The following FGF14 variants were observed in gnomAD, a reference collection of about 807,000 sequenced individuals.
FGF14 encodes the protein fibroblast growth factor 14.
A neutral mutation model predicts 25.5 loss-of-function variants in FGF14; 5 were observed. That is an observed-to-expected ratio of 0.20 (90% CI 0.10 to 0.41). The LOEUF is 0.41. Ranked by LOEUF, FGF14 falls within the 10% of genes least tolerant of loss-of-function variation. The pLI is 1.00. For missense variants in FGF14, 222 were observed against 320.1 expected (o/e 0.69, Z 2.34); for synonymous variants, 138 against 118.3 (o/e 1.17, Z -1.08).
chr13:102,204,849 G>T (rs1389869855), intron 1 of FGF14, among the ~76,000 whole-genome samples: 1 of 152,070 alleles, frequency 6.6e-6, no homozygotes, highest in Non-Finnish European at 1.5e-5. Flanking sequence ...AAAACTTAAG[G>T]CAGGAAAAGG....
intron 1 of FGF14, among the ~76,000 whole-genome samples, chr13:102,106,252 T>C (rs1028408240): frequency 1.3e-5 from 2 of 152,204 alleles, no homozygotes; most frequent in South Asian, 2.1e-4. Context: ...ATATAAAAGA[T>C]GTAACAGTAA....
intron 1 of FGF14, among the ~76,000 whole-genome samples, chr13:102,065,215 A>G (rs575474562): frequency 6.6e-6 from 1 of 152,200 alleles, no homozygotes; most frequent in South Asian, 2.1e-4. Flanking sequence ...ACCATAATGG[A>G]TATAGTGCTT....
intron 1 of FGF14, among the ~76,000 whole-genome samples, chr13:102,190,384 T>C (rs2049073076): frequency 6.6e-6 from 1 of 152,202 alleles, no homozygotes. Flanking sequence ...GGACATCTGG[T>C]AATGTCTGGA....
chr13:101,953,474 C>T (rs888371444), intron 1 of FGF14, among the ~76,000 whole-genome samples: 1 of 151,870 alleles, frequency 6.6e-6, no homozygotes, highest in Admixed American at 6.6e-5. Context: ...ATATTCACTC[C>T]TGGACCACTC....
intron 3 of FGF14, among the ~76,000 whole-genome samples, chr13:101,809,975 A>C (rs2041409199): frequency 6.6e-6 from 1 of 152,180 alleles, no homozygotes; most frequent in South Asian, 2.1e-4. Flanking sequence ...TAACTACTTA[A>C]GATCTTGAAA....
chr13:101,863,012 A>G (rs1043963818), intron 3 of FGF14, among the ~76,000 whole-genome samples: 1 of 152,142 alleles, frequency 6.6e-6, no homozygotes, highest in South Asian at 2.1e-4. Context: ...CATAATTCCA[A>G]TGAAACATAC....
intron 1 of FGF14, among the ~76,000 whole-genome samples, chr13:102,049,982 T>C (rs1046681614): frequency 1.3e-5 from 2 of 151,792 alleles, no homozygotes; most frequent in African/African-American, 4.9e-5. Context: ...AATTGCTTAA[T>C]CCAACCAGTT....
Position 102,160,766 on chromosome 13 carries a change from G to C in FGF14, c.208+240705C>G, listed in dbSNP as rs2047586789. On this transcript the variant is annotated intron_variant, in intron 1 of 4. Transcript: ENST00000376131. ...AGAATTCCAGAGATAGTAGGGCTTG[G>C]AGAAGAAGACTGAATGCTCACGGTT... 5.3e-5 allele frequency among the ~76,000 whole-genome samples: 8 copies of C among 152,198 alleles called. No individual in the cohort carries two copies. The South Asian group carries it at 1.7e-3, about 32-fold the overall frequency.
intron 1 of FGF14, among the ~76,000 whole-genome samples, chr13:102,003,608 T>G (rs1415719532): frequency 6.6e-6 from 1 of 152,064 alleles, no homozygotes; most frequent in Non-Finnish European, 1.5e-5. Flanking sequence ...TTTGTTGTTG[T>G]TGTCTGGGTG....
At chr13:101,861,005 A>G (rs2044388176) in intron 3 of FGF14, among the ~76,000 whole-genome samples, 1 of 152,158 alleles carries the variant, frequency 6.6e-6, no homozygotes, top group South Asian at 2.1e-4. Flanking sequence ...TTGAGCATGT[A>G]GATTCTATAT....
intron 1 of FGF14, among the ~76,000 whole-genome samples, chr13:102,242,527 G>A (rs1025712014): frequency 2.0e-5 from 3 of 152,154 alleles, no homozygotes; most frequent in Middle Eastern, 3.4e-3. Context: ...AGAGAGAAAA[G>A]GGGCCCAAAT....
At chr13:102,392,834 C>G (rs1203072317) in intron 1 of FGF14, among the ~76,000 whole-genome samples, 1 of 152,198 alleles carries the variant, frequency 6.6e-6, no homozygotes, top group Admixed American at 6.5e-5. Context: ...CTCTTCCTCC[C>G]TGGTCTTTCC....
At chr13:102,135,684 C>T (rs2046382303) in intron 1 of FGF14, among the ~76,000 whole-genome samples, 1 of 152,164 alleles carries the variant, frequency 6.6e-6, no homozygotes, top group Non-Finnish European at 1.5e-5. Flanking sequence ...GGGACGGAGT[C>T]TCGCTCTATT....
At chr13:101,912,723 ATATAAT>A (rs1343417728) in intron 1 of FGF14, among the ~76,000 whole-genome samples, 5 of 152,196 alleles carry the variant, frequency 3.3e-5, no homozygotes, top group African/African-American at 9.6e-5. Flanking sequence ...TTAAAAAAAG[ATATAAT>A]TATATTTATT....
intron 1 of FGF14, among the ~76,000 whole-genome samples, chr13:102,319,815 T>G (rs2056175042): frequency 6.6e-6 from 1 of 152,218 alleles, no homozygotes; most frequent in Non-Finnish European, 1.5e-5. Context: ...ATGTGGATGA[T>G]GAAATATATA....
rs530788960 is a variant in FGF14, at chr13:101,773,115, G to T, written c.409-46305C>A. ...ATTTCCTTCCTTTAGTGAAGCAGGA[G>T]GTGATGCCTATCAGTAAATATCAGT... On this transcript the variant is annotated intron_variant, in intron 3 of 4. Transcript: ENST00000376143. Among the ~76,000 whole-genome samples the T allele has an allele frequency of 2.0e-5, 3 of 152,220 alleles. No individual in the cohort carries two copies. The East Asian group carries it at 5.8e-4, about 29-fold the overall frequency.
intron 1 of FGF14, among the ~76,000 whole-genome samples, chr13:101,887,718 A>G (rs1169810308): frequency 6.6e-6 from 1 of 152,190 alleles, no homozygotes; most frequent in Admixed American, 6.5e-5. Flanking sequence ...ACATTTCAAA[A>G]TAGTAGGAAG....
intron 3 of FGF14, among the ~76,000 whole-genome samples, chr13:101,781,234 C>T (rs1476653819): frequency 6.6e-6 from 1 of 152,184 alleles, no homozygotes; most frequent in Non-Finnish European, 1.5e-5. Flanking sequence ...TTGCCTTTCT[C>T]TTATTCTGCT....
At chr13:102,075,842 C>G (rs2043339320) in intron 1 of FGF14, among the ~76,000 whole-genome samples, 1 of 151,988 alleles carries the variant, frequency 6.6e-6, no homozygotes, top group Non-Finnish European at 1.5e-5. Context: ...CTGTATATGC[C>G]TAGGCTAATA....
Sources: allele counts gnomAD v4.1 joint callset (sites outside exome capture counted in the v4.1 genomes callset), GRCh38; gene constraint gnomAD v4.1.1; transcripts MANE v1.5; gene names NCBI Gene and HGNC (gene_info 2026-07-23, HGNC 2026-07-21).